Variants in CABIN1 observed in about 807,000 individuals in gnomAD.
CABIN1 encodes the protein calcineurin binding protein 1.
A neutral mutation model predicts 227.7 loss-of-function variants in CABIN1; 133 were observed. That is an observed-to-expected ratio of 0.58 (90% confidence interval 0.51 to 0.67). The LOEUF is 0.67. CABIN1 is among the 30% of genes least tolerant of loss of function. The pLI, the probability that CABIN1 is intolerant of heterozygous loss-of-function variation, is 0.00. For missense variants in CABIN1, 2,408 were observed against 2,852.5 expected (o/e 0.84, Z 3.55); for synonymous variants, 1,086 against 1,155.1 (o/e 0.94, Z 1.21).
chr22:24,136,346 C>T (rs1336207307), intron 29 of CABIN1, among the ~76,000 whole-genome samples: 1 of 144,504 alleles, frequency 6.9e-6, no homozygotes, highest in Admixed American at 6.8e-5. Context: ...AGCCATCCCT[C>T]CTTTTTTTTT....
At chr22:24,165,406 A>T in intron 30 of CABIN1, 124 bp from the exon 31 acceptor site, 1 of 883,842 alleles carries the variant, frequency 1.1e-6, no homozygotes, top group Non-Finnish European at 1.8e-6. Context: ...ACAGGTGGTT[A>T]GGTGGAACAC....
intron 28 of CABIN1, among the ~76,000 whole-genome samples, chr22:24,133,013 G>A (rs2044164674): frequency 1.3e-5 from 2 of 152,204 alleles, no homozygotes; most frequent in African/African-American, 4.8e-5. Flanking sequence ...TCTGTTCTCA[G>A]TTGGGAGCCT....
intron 15 of CABIN1, among the ~76,000 whole-genome samples, chr22:24,065,139 C>CGG (rs2039534906): frequency 7.0e-6 from 1 of 142,688 alleles, no homozygotes; most frequent in Non-Finnish European, 1.5e-5. Flanking sequence ...GCTGGCCGGG[C>CGG]GGGGGCTGAC....
chr22:24,167,843 A>G (rs5760232), intron 32 of CABIN1, among the ~76,000 whole-genome samples: 3 of 152,188 alleles, frequency 2.0e-5, no homozygotes, highest in East Asian at 1.9e-4. Flanking sequence ...CCTACCCCCA[A>G]CTGCCCCATA....
At chr22:24,085,820 G>A (rs1250266382) in intron 22 of CABIN1, among the ~76,000 whole-genome samples, 1 of 152,118 alleles carries the variant, frequency 6.6e-6, no homozygotes, top group African/African-American at 2.4e-5. Context: ...GGTAAGCCTT[G>A]GGTGAAGGTC....
chr22:24,152,301 T>C (rs2045530334), intron 29 of CABIN1, among the ~76,000 whole-genome samples: 2 of 152,322 alleles, frequency 1.3e-5, no homozygotes, highest in South Asian at 2.1e-4. Flanking sequence ...GGCTGGACAA[T>C]TTCTGAGTAG....
At chr22:24,066,668 G>A (rs942223460) in intron 15 of CABIN1, among the ~76,000 whole-genome samples, 1 of 152,148 alleles carries the variant, frequency 6.6e-6, no homozygotes, top group Non-Finnish European at 1.5e-5. Context: ...AGACTGGTTC[G>A]CCGAACTGTG....
chr22:24,157,340 C>T (rs2045893046), intron 29 of CABIN1, among the ~76,000 whole-genome samples: 1 of 152,172 alleles, frequency 6.6e-6, no homozygotes, highest in Non-Finnish European at 1.5e-5. Flanking sequence ...CCTCTAAAGG[C>T]TTCGGGACTC....
In CABIN1 at chr22:24,053,738, G is replaced by T. The variant is rs2038552178; in HGVS notation, c.807-1135G>T. On this transcript the variant is annotated intron_variant, in intron 8 of 36. Transcript: ENST00000263119. ...TCCTGGATGCTGGCTCTGTGCAGGG[G>T]ACTGTGCTCTGTGCTAGGGGCGCAG... is the stretch of plus-strand genomic sequence containing the variant. Among the ~76,000 whole-genome samples, 4 of 152,086 alleles carry T rather than the reference G, an allele frequency of 2.6e-5. No homozygotes were observed. In the South Asian group the frequency reaches 8.3e-4, roughly 32 times the overall value.
chr22:24,056,551 C>G, intron 10 of CABIN1, 191 bp downstream of exon 10: 1 of 612,070 alleles, frequency 1.6e-6, no homozygotes, highest in Non-Finnish European at 2.9e-6. Flanking sequence ...CCTCTTCCCA[C>G]CTCTGAAATT....
chr22:24,102,390 G>A (rs2042255329), intron 26 of CABIN1: 1 of 152,268 alleles, frequency 6.6e-6, no homozygotes, highest in South Asian at 2.1e-4. Flanking sequence ...GAGCTCGGAG[G>A]CCTTGTGCTG....
chr22:24,058,571 G>A (rs554930151), intron 10 of CABIN1, among the ~76,000 whole-genome samples: 94 of 152,292 alleles, frequency 6.2e-4, no homozygotes, highest in African/African-American at 2.2e-3. Context: ...GAGGAGCCAC[G>A]GAAGGACCAA....
At chr22:24,155,896 G>A (rs1015947810) in intron 29 of CABIN1, 2 of 459,230 alleles carry the variant, frequency 4.4e-6, no homozygotes, top group African/African-American at 4.2e-5. Flanking sequence ...GAACCGGAGA[G>A]GATTGGCCGG....
intron 9 of CABIN1, among the ~76,000 whole-genome samples, 156 bp downstream of exon 9, chr22:24,055,315 T>C (rs1318263026): frequency 6.6e-6 from 1 of 152,240 alleles, no homozygotes; most frequent in Non-Finnish European, 1.5e-5. Context: ...TAGAGGAGCC[T>C]CTCAGCCTGC....
rs1486069590 is a variant in CABIN1, at chr22:24,049,197, C to T, written c.633C>T (p.Asp211=). Residue 211 remains aspartate, a synonymous_variant, in exon 7 of 37, where the codon GAC becomes GAT. Transcript: ENST00000263119. ...IFEEQPCLRK[D]SLRMFLKCDM... is the part of the protein sequence containing the mutation. ...AGGAGCAGCCTTGTCTCCGGAAGGACTCTCTCAGAATGTTCCTCAAATGGT... is the reference window on the plus strand; with the variant it reads ...AGGAGCAGCCTTGTCTCCGGAAGGATTCTCTCAGAATGTTCCTCAAATGGT... 1 of 1,613,876 alleles carries T rather than the reference C, an allele frequency of 6.2e-7. No individual in the cohort carries two copies. The highest frequency in any genetic ancestry group is 1.3e-5 in the African/African-American group (1 of 74,936).
intron 8 of CABIN1, among the ~76,000 whole-genome samples, chr22:24,051,865 G>A (rs2038364321): frequency 6.6e-6 from 1 of 152,070 alleles, no homozygotes; most frequent in African/African-American, 2.4e-5. Flanking sequence ...GGAAGGGCTG[G>A]CTCTGATCCG....
At chr22:24,012,772 T>G (rs562077758) in intron 1 of CABIN1, among the ~76,000 whole-genome samples, 1 of 152,336 alleles carries the variant, frequency 6.6e-6, no homozygotes, top group Admixed American at 6.5e-5. Flanking sequence ...CTTTTGTGTG[T>G]GTGTGTGTGA....
At chr22:24,157,985 C>A (rs1355791716) in intron 29 of CABIN1, among the ~76,000 whole-genome samples, 9 of 152,210 alleles carry the variant, frequency 5.9e-5, no homozygotes, top group Admixed American at 5.9e-4. Context: ...CACCCTGTGC[C>A]CACTGCTCTT....
At chr22:24,161,014 G>T (rs1262297629) in intron 29 of CABIN1, among the ~76,000 whole-genome samples, 1 of 152,242 alleles carries the variant, frequency 6.6e-6, no homozygotes, top group Non-Finnish European at 1.5e-5. Context: ...AGTGTTTGAG[G>T]CTCTGTTTCC....
Sources: allele counts gnomAD v4.1 joint callset (sites outside exome capture counted in the v4.1 genomes callset), GRCh38; gene constraint gnomAD v4.1.1; transcripts MANE v1.5; gene names NCBI Gene and HGNC (gene_info 2026-07-23, HGNC 2026-07-21).